The following ZSWIM5 variants were observed in gnomAD, a reference collection of about 807,000 sequenced individuals.
ZSWIM5 encodes the protein zinc finger SWIM-type containing 5, also known as zinc finger SWIM domain-containing protein 5.
A neutral mutation model predicts 119.6 loss-of-function variants in ZSWIM5; 55 were observed. The observed-to-expected ratio is 0.46, with a 90% CI of 0.37 to 0.58. ZSWIM5 has a LOEUF of 0.58. Among genes scored for constraint, ZSWIM5 ranks in the 20% least tolerant of loss-of-function variants. The probability of loss-of-function intolerance (pLI) is 0.00; values close to 1 mark genes in which losing one functional copy is unlikely to be tolerated. For missense variants in ZSWIM5, 1,193 were observed against 1,512.8 expected, an observed-to-expected ratio of 0.79 and a Z score of 3.51; for synonymous variants, 537 against 606.9, an observed-to-expected ratio of 0.88 and a Z score of 1.69.
chr1:45,162,642 ATC>A (rs1432046634), intron 1 of ZSWIM5, among the ~76,000 whole-genome samples: 1 of 152,208 alleles, frequency 6.6e-6, no homozygotes, highest in Non-Finnish European at 1.5e-5. Flanking sequence ...TTTTCCAACG[ATC>A]TTAGCAAACA....
At chr1:45,102,573 C>T (rs1305531644) in intron 1 of ZSWIM5, among the ~76,000 whole-genome samples, 1 of 152,116 alleles carries the variant, frequency 6.6e-6, no homozygotes, top group African/African-American at 2.4e-5. Context: ...ATATCTTTTT[C>T]ATCTCTATAT....
chr1:45,130,060 G>A (rs1414284505), intron 1 of ZSWIM5, among the ~76,000 whole-genome samples: 1 of 152,170 alleles, frequency 6.6e-6, no homozygotes, highest in Non-Finnish European at 1.5e-5. Flanking sequence ...ACCATGCCCG[G>A]CTAATTTTTG....
At chr1:45,068,045 T>C (rs1645195780) in intron 2 of ZSWIM5, among the ~76,000 whole-genome samples, 1 of 151,790 alleles carries the variant, frequency 6.6e-6, no homozygotes, top group South Asian at 2.1e-4. Flanking sequence ...GCTTATATAA[T>C]GAGACCTGTC....
chr1:45,044,815 A>G (rs1645043277), intron 5 of ZSWIM5, among the ~76,000 whole-genome samples: 1 of 13,444 alleles, frequency 7.4e-5, no homozygotes, highest in Non-Finnish European at 1.3e-4. Flanking sequence ...ATATATATAT[A>G]TATATAAATA....
chr1:45,140,267 T>TC (rs1250547831), intron 1 of ZSWIM5, among the ~76,000 whole-genome samples: 1 of 152,224 alleles, frequency 6.6e-6, no homozygotes, highest in Non-Finnish European at 1.5e-5. Flanking sequence ...CCACAGTTAT[T>TC]CATTTATCTA....
At chr1:45,204,730 T>C (rs1646176908) in intron 1 of ZSWIM5, among the ~76,000 whole-genome samples, 1 of 152,222 alleles carries the variant, frequency 6.6e-6, no homozygotes, top group Non-Finnish European at 1.5e-5. Context: ...CAAAAATCAG[T>C]ATTTTCTTCA....
rs540355248 is a variant in ZSWIM5 at position 45,141,743 on chromosome 1, T to C, written c.596-53506A>G. On this transcript the variant is annotated intron_variant, in intron 1 of 13. Coordinates refer to ENST00000359600, the MANE Select transcript of ZSWIM5 (RefSeq NM_020883.2). ...AATCAAAATAAAACTGGAATGGTTA[T>C]AGTAGTATGAGACAAAGTAGACCTT... Among the ~76,000 whole-genome samples, 18 of 152,248 alleles carry C rather than the reference T, an allele frequency of 1.2e-4. No homozygotes were observed. In the South Asian group the frequency reaches 1.7e-3, roughly 14 times the overall value.
At chr1:45,127,611 A>AT (rs1186017884) in intron 1 of ZSWIM5, among the ~76,000 whole-genome samples, 4 of 148,402 alleles carry the variant, frequency 2.7e-5, no homozygotes, top group East Asian at 2.0e-4. Context: ...AAAAAAAAAA[A>AT]TTTTTTTTTT....
chr1:45,044,582 G>A (rs1047265833), intron 5 of ZSWIM5, among the ~76,000 whole-genome samples: 4 of 145,308 alleles, frequency 2.8e-5, no homozygotes, highest in African/African-American at 1.0e-4. Flanking sequence ...AAATTAGCCG[G>A]GCATGGTGGC....
At chr1:45,168,601 G>A (rs1309741211) in intron 1 of ZSWIM5, among the ~76,000 whole-genome samples, 1 of 145,330 alleles carries the variant, frequency 6.9e-6, no homozygotes, top group Non-Finnish European at 1.5e-5. Context: ...GAAGACAGAA[G>A]TTGCAGTGAG....
chr1:45,060,501 T>C (rs2149000640), intron 2 of ZSWIM5, among the ~76,000 whole-genome samples: 1 of 152,348 alleles, frequency 6.6e-6, no homozygotes, highest in Non-Finnish European at 1.5e-5. Flanking sequence ...GATCTACAGA[T>C]ACCACTGTAG....
intron 2 of ZSWIM5, among the ~76,000 whole-genome samples, chr1:45,075,112 T>C (rs1248131284): frequency 6.6e-6 from 1 of 152,030 alleles, no homozygotes; most frequent in Non-Finnish European, 1.5e-5. Context: ...GTTTTAAGAC[T>C]TGTTTTGTAA....
At chr1:45,067,448 A>AG (rs1645190507) in intron 2 of ZSWIM5, among the ~76,000 whole-genome samples, 2 of 82,122 alleles carry the variant, frequency 2.4e-5, no homozygotes, top group African/African-American at 4.2e-5. Context: ...TCAAAAAAAA[A>AG]AAAAAAGAAA....
chr1:45,108,082 G>A (rs1373192557), intron 1 of ZSWIM5, among the ~76,000 whole-genome samples: 11 of 152,120 alleles, frequency 7.2e-5, no homozygotes, highest in Non-Finnish European at 1.3e-4. Flanking sequence ...TTACATGTGT[G>A]AGCCACTGTG....
chr1:45,164,299 C>T (rs1047875364), intron 1 of ZSWIM5, among the ~76,000 whole-genome samples: 1 of 152,044 alleles, frequency 6.6e-6, no homozygotes, highest in African/African-American at 2.4e-5. Flanking sequence ...CAGGCCTGCC[C>T]TACAAGAGCT....
intron 1 of ZSWIM5, among the ~76,000 whole-genome samples, chr1:45,118,737 C>CAAAA (rs60441320): frequency 9.4e-5 from 9 of 95,248 alleles, no homozygotes; most frequent in East Asian, 4.2e-4. Flanking sequence ...GAACCTGTCT[C>CAAAA]AAAAAAAAAA....
chr1:45,166,798 A>G (rs1645906844), intron 1 of ZSWIM5, among the ~76,000 whole-genome samples: 1 of 152,084 alleles, frequency 6.6e-6, no homozygotes. Flanking sequence ...AGAACTACAA[A>G]CCACTGCTCA....
At chr1:45,059,081 C>T (rs192665496) in intron 3 of ZSWIM5, among the ~76,000 whole-genome samples, 369 of 152,310 alleles carry the variant, frequency 2.4e-3, no homozygotes, top group Admixed American at 4.4e-3. Flanking sequence ...CCTTGGAAAA[C>T]AGACTGGCAG....
chr1:45,049,880 A>C (rs895161600), intron 5 of ZSWIM5, among the ~76,000 whole-genome samples: 4 of 152,310 alleles, frequency 2.6e-5, no homozygotes, highest in African/African-American at 9.6e-5. Flanking sequence ...TGTGTTGTGG[A>C]AGCTAGATGA....
Sources: gnomAD v4.1 joint callset for allele counts (sites outside exome capture counted in the v4.1 genomes callset) on GRCh38, gnomAD v4.1.1 for gene constraint, MANE v1.5 for transcripts, NCBI Gene and HGNC (gene_info 2026-07-23, HGNC 2026-07-21) for gene names.